Variants in ARAP2 observed in about 807,000 individuals in gnomAD.
ARAP2 encodes ArfGAP with RhoGAP domain, ankyrin repeat and PH domain 2, also known as arf-GAP with Rho-GAP domain, ANK repeat and PH domain-containing protein 2.
Under a neutral mutation model 194.5 loss-of-function variants are expected in ARAP2, and 148 were observed. The ratio of observed to expected loss-of-function variants is 0.76; its 90% CI spans 0.67 to 0.87. The LOEUF (loss-of-function observed/expected upper bound fraction) is 0.87. Among genes scored for constraint, ARAP2 ranks in the 40% least tolerant of loss-of-function variants. ARAP2 has a pLI of 0.00. For missense variants in ARAP2, 2,128 were observed against 1,989.7 expected (o/e 1.07, Z -1.32); for synonymous variants, 695 against 683.5 (o/e 1.02, Z -0.26).
At chr4:36,009,470 T>C (rs965054840) in intron 9 of ARAP2, among the ~76,000 whole-genome samples, 9 of 151,994 alleles carry the variant, frequency 5.9e-5, no homozygotes, top group Non-Finnish European at 1.0e-4. Flanking sequence ...TGGGTATACA[T>C]GGTCTGGTCA....
At chr4:36,159,628 G>T in intron 13 of ARAP2, 123 bp from the exon 14 acceptor site, 1 of 872,958 alleles carries the variant, frequency 1.1e-6, no homozygotes, top group Non-Finnish European at 1.5e-6. Flanking sequence ...TCCTAAGGCG[G>T]CTAATAATAA....
chr4:36,197,144 T>C (rs928169718), intron 6 of ARAP2, among the ~76,000 whole-genome samples: 2 of 152,042 alleles, frequency 1.3e-5, no homozygotes, highest in African/African-American at 4.8e-5. Context: ...TACATATTAA[T>C]TGACATACTT....
At chr4:36,216,082 CAA>C (rs112912494) in intron 2 of ARAP2, among the ~76,000 whole-genome samples, 9 of 99,366 alleles carry the variant, frequency 9.1e-5, no homozygotes, top group Non-Finnish European at 1.3e-4. Flanking sequence ...CCCATCTCTA[CAA>C]AAAAAAAAAA....
In ARAP2 at chr4:36,115,944, T is replaced by C. The variant is rs113460277; in HGVS notation, c.4038+1117A>G. On this transcript the variant is annotated intron_variant, in intron 25 of 32. Transcript: ENST00000303965. ...TAACTTCTGTTGTGACTTTAGAAGATAAAATTAAAATGCGCTATTAAAGAG... is the reference window on the plus strand; with the variant it reads ...TAACTTCTGTTGTGACTTTAGAAGACAAAATTAAAATGCGCTATTAAAGAG... Among the ~76,000 whole-genome samples the C allele has an allele frequency of 1.5e-3, 229 of 152,108 alleles. 1 individual carries two copies. The highest frequency in any genetic ancestry group is 3.0e-3 in the Non-Finnish European group (205 of 67,930).
intron 28 of ARAP2, among the ~76,000 whole-genome samples, chr4:36,087,921 G>A (rs908703175): frequency 3.3e-5 from 5 of 152,070 alleles, no homozygotes; most frequent in Admixed American, 1.3e-4. Context: ...GTTATGTAAT[G>A]TCTTTGAGAG....
intron 19 of ARAP2, among the ~76,000 whole-genome samples, chr4:36,138,513 T>C (rs1203331020): frequency 6.6e-6 from 1 of 151,678 alleles, no homozygotes; most frequent in African/African-American, 2.4e-5. Context: ...ACAATGTTTT[T>C]TAAGATTCAT....
intron 9 of ARAP2, among the ~76,000 whole-genome samples, chr4:36,174,610 T>C (rs1578170604): frequency 6.6e-6 from 1 of 152,156 alleles, no homozygotes; most frequent in East Asian, 1.9e-4. Flanking sequence ...TGGGGTGCTT[T>C]TTTGTGAATT....
rs1041179444 is a variant in ARAP2 at position 36,095,470 on chromosome 4, TG to T, written c.4286-3451del. Among the ~76,000 whole-genome samples the T allele has an allele frequency of 9.5e-4, 144 of 152,254 alleles. 1 individual carries two copies. The highest frequency in any genetic ancestry group is 3.4e-3 in the African/African-American group (140 of 41,576). ...ATTAGTAAGTGATAGAAAAGGGGAT[TG>T]AAGACTAGCAGAAATAAATACAAAG... On this transcript the variant is annotated intron_variant, in intron 27 of 32. Coordinates refer to ENST00000303965, the MANE Select transcript of ARAP2 (RefSeq NM_015230.4).
At chr4:36,008,538 T>C (rs1713787610) in intron 9 of ARAP2, among the ~76,000 whole-genome samples, 1 of 151,988 alleles carries the variant, frequency 6.6e-6, no homozygotes, top group Non-Finnish European at 1.5e-5. Flanking sequence ...ACACAAAAAA[T>C]TAACCTAAGA....
chr4:36,115,236 T>A (rs1721038240), intron 25 of ARAP2, among the ~76,000 whole-genome samples: 1 of 152,022 alleles, frequency 6.6e-6, no homozygotes, highest in Non-Finnish European at 1.5e-5. Flanking sequence ...AGTGCTTTTT[T>A]GGAATATAAT....
At chr4:36,044,861 C>A (rs1721538462) in intron 5 of ARAP2, among the ~76,000 whole-genome samples, 1 of 151,098 alleles carries the variant, frequency 6.6e-6, no homozygotes. Flanking sequence ...AAGGAAATAA[C>A]CCTGCTAAAA....
chr4:36,121,179 C>T lies in ARAP2; in HGVS notation c.3894G>A (p.Glu1298=), dbSNP rs1577963219. The T allele has an allele frequency of 6.3e-7, 1 of 1,582,582 alleles. No individual in the cohort carries two copies. The highest frequency in any genetic ancestry group is 8.6e-7 in the Non-Finnish European group (1 of 1,161,682). The change falls in exon 23 of 33, where the codon GAG becomes GAA. Residue 1298 remains glutamate, a splice_region_variant and synonymous_variant. Transcript: ENST00000303965. ...CAAGGGCAGGATACAAAATAATTACCTCAAATATTTCTACATAATTATTAA... is the reference window on the plus strand; with the variant it reads ...CAAGGGCAGGATACAAAATAATTACTTCAAATATTTCTACATAATTATTAA... ...DLINNYVEIF[E]VKEDQVKQMD...
At chr4:36,150,828 C>A (rs1730791777) in intron 16 of ARAP2, 72 bp downstream of exon 16, 1 of 1,500,360 alleles carries the variant, frequency 6.7e-7, no homozygotes, top group South Asian at 1.3e-5. Context: ...AAAATGATAA[C>A]AAAACTCTCA....
intron 5 of ARAP2, among the ~76,000 whole-genome samples, chr4:36,043,926 AAGAG>A (rs1203437302): frequency 2.6e-5 from 4 of 151,200 alleles, no homozygotes; most frequent in Non-Finnish European, 4.4e-5. Context: ...AAGAGAAAGA[AAGAG>A]AGAAAGAAGG....
rs1297117577 is a variant in ARAP2 at position 36,068,124 on chromosome 4, A to G, written c.4898T>C (p.Phe1633Ser). The G allele has an allele frequency of 1.2e-6, 2 of 1,613,944 alleles. No homozygotes were observed. Among genetic ancestry groups the G allele is most frequent in the African/African-American group, 2.7e-5 (2 of 74,910 alleles). The change falls in exon 33 of 33, where the codon TTC becomes TCC. Residue 1633 changes from phenylalanine to serine, a missense_variant. By Grantham distance (155) the Phe-to-Ser change is radical. Coordinates refer to ENST00000303965, the MANE Select transcript of ARAP2 (RefSeq NM_015230.4). ...LRNRPRKHRSFNCLEDTEPEA... is the reference protein window; with the variant it reads ...LRNRPRKHRSSNCLEDTEPEA... ...AGGCTCTGTGTCCTCCAGGCAGTTG[A>G]AACTCCGATGTTTTCGGGGTCGATT... is the stretch of plus-strand genomic sequence containing the variant.
chr4:36,152,673 TAA>T (rs5857475), intron 15 of ARAP2, among the ~76,000 whole-genome samples: 1 of 148,514 alleles, frequency 6.7e-6, no homozygotes, highest in Non-Finnish European at 1.5e-5. Flanking sequence ...ACTGAAGTGA[TAA>T]AAAAAAAAAC....
In ARAP2 at chr4:36,202,412, G is replaced by A. The variant is rs1009682280; in HGVS notation, c.1487+7978C>T. Reference sequence around the variant, plus strand: ...AAGATTATATGAACCAAATGAGCTGGGGCCAAAAAACGAAAATAAAACAAA... The same window carrying A: ...AAGATTATATGAACCAAATGAGCTGAGGCCAAAAAACGAAAATAAAACAAA... On this transcript the variant is annotated intron_variant, in intron 6 of 32. Coordinates refer to ENST00000303965, the MANE Select transcript of ARAP2 (RefSeq NM_015230.4). Among the ~76,000 whole-genome samples, 8 of 151,868 alleles carry A rather than the reference G, an allele frequency of 5.3e-5. No homozygotes were observed. The South Asian group carries it at 6.2e-4, about 12-fold the overall frequency.
chr4:36,114,266 C>A lies in ARAP2; in HGVS notation c.4060G>T (p.Glu1354Ter). 6.3e-7 allele frequency: 1 copy of A among 1,586,100 alleles called. No individual in the cohort carries two copies. Among genetic ancestry groups the A allele is most frequent in the Admixed American group, 1.7e-5 (1 of 58,478 alleles). The change falls in exon 26 of 33, where the codon GAA becomes TAA. Residue 1354 changes from glutamate to a stop codon, truncating the protein, a stop_gained. Transcript: ENST00000303965. LOFTEE classifies it high-confidence loss of function. ...GCTAATATATCATTAGTTAATTCTT[C>A]TGCTTCCATCACAGGAGATATCTGT... The part of the protein sequence containing the change: ...IIRISPVMEA[E>*]ELTNDILAIK...
intron 22 of ARAP2, 32 bp downstream of exon 22, chr4:36,124,830 A>C (rs763024355): frequency 8.8e-6 from 12 of 1,359,712 alleles, no homozygotes. Flanking sequence ...GCTGTGTTTG[A>C]AATGTCGAGA....
Sources: allele counts gnomAD v4.1 joint callset (sites outside exome capture counted in the v4.1 genomes callset), GRCh38; gene constraint gnomAD v4.1.1; transcripts MANE v1.5; gene names NCBI Gene and HGNC (gene_info 2026-07-23, HGNC 2026-07-21).